The following OVCH1 variants were observed in gnomAD, a reference collection of about 807,000 sequenced individuals.
The protein encoded by OVCH1 is ovochymase-1.
Under a neutral mutation model 138.4 loss-of-function variants are expected in OVCH1, and 139 were observed. The observed-to-expected ratio is 1.00, with a 90% CI of 0.87 to 1.16. OVCH1 has a LOEUF of 1.16. OVCH1 is among the 50% of genes most tolerant of loss of function. The pLI is 0.00. For missense variants in OVCH1, 1,367 were observed against 1,357.9 expected (o/e 1.01, Z -0.11); for synonymous variants, 453 against 467.8 (o/e 0.97, Z 0.41).
chr12:29,469,684 A>T lies in OVCH1; in HGVS notation c.1856+2118T>A, dbSNP rs866687121. 3.3e-5 allele frequency among the ~76,000 whole-genome samples: 5 copies of T among 151,232 alleles called. No individual in the cohort carries two copies. The South Asian group carries it at 1.0e-3, about 31-fold the overall frequency. ...TGCTTGAGTTCAAGAGTTCAAGACC[A>T]GTCTGTGCAACATAGCAAGACCCCG... On this transcript the variant is annotated intron_variant, in intron 16 of 27. Transcript: ENST00000318184.
At position 29,420,776 on chromosome 12, in the gene OVCH1, A is replaced by G. The variant is rs1941092274; in HGVS notation, c.*71+2351T>C. ...CATGATCCACCCGCCTCGGCCTCCC[A>G]AAGTGCTGGGATTACAGGCGTGAGC... On this transcript the variant is annotated intron_variant and NMD_transcript_variant, in intron 3 of 4. Coordinates refer to the OVCH1 transcript ENST00000539117. Among the ~76,000 whole-genome samples, 3 of 8,020 alleles carry G rather than the reference A, an allele frequency of 3.7e-4. 1 individual carries two copies. Among genetic ancestry groups the G allele is most frequent in the South Asian group, 4.1e-3 (2 of 490 alleles). The allele number at this position is 8,020 out of a possible 152,430, so 5.3% of individuals were successfully genotyped here. A position where few individuals can be genotyped will look rare whatever the true frequency, so the allele number is the denominator to read the frequency against.
At chr12:29,449,109 A>C (rs879798745) in intron 22 of OVCH1, among the ~76,000 whole-genome samples, 8 of 152,090 alleles carry the variant, frequency 5.3e-5, no homozygotes, top group Non-Finnish European at 8.8e-5. Context: ...CTGCCACTTT[A>C]AAAGCCTTTA....
chr12:29,467,382 G>A (rs1020222179), intron 16 of OVCH1, among the ~76,000 whole-genome samples: 5 of 152,196 alleles, frequency 3.3e-5, no homozygotes, highest in Admixed American at 2.6e-4. Context: ...GCACAAACAC[G>A]ACAAAGCCAC....
At chr12:29,410,652 G>T (rs1940942967), downstream of OVCH1, among the ~76,000 whole-genome samples, 1 of 150,592 alleles carries the variant, frequency 6.6e-6, no homozygotes, top group Non-Finnish European at 1.5e-5. Flanking sequence ...ACTCTCTTCT[G>T]GCTTGTAGAG....
rs535823383 is a variant in OVCH1, at chr12:29,463,112, T to C, written c.2126-1104A>G. ...AGAAATATTTACTGAATGCCATGTA[T>C]GCTTCTAGCCTTGGGGAGAGAGGAG... On this transcript the variant is annotated intron_variant, in intron 18 of 27. Coordinates refer to ENST00000318184, the Ensembl canonical transcript of OVCH1. Among the ~76,000 whole-genome samples, 3 of 152,332 alleles carry C rather than the reference T, an allele frequency of 2.0e-5. No homozygotes were observed. The East Asian group carries it at 5.8e-4, about 29-fold the overall frequency.
chr12:29,427,595 A>C (rs1941200143), exon 28 of OVCH1: 1 of 1,551,362 alleles, frequency 6.4e-7, no homozygotes, highest in African/African-American at 1.4e-5. Flanking sequence ...GTGAGCCCTT[A>C]GCAGGCACCA....
intron 8 of OVCH1, among the ~76,000 whole-genome samples, chr12:29,485,754 G>A (rs937863383): frequency 1.3e-5 from 2 of 150,980 alleles, no homozygotes; most frequent in African/African-American, 4.9e-5. Flanking sequence ...CCAGCCTGGG[G>A]GACACAGCAT....
chr12:29,406,246 A>G, the OVCH1 span, among the ~76,000 whole-genome samples: 10 of 152,232 alleles, frequency 6.6e-5, no homozygotes, highest in Admixed American at 5.9e-4. Context: ...ATAAGTATCA[A>G]TAAACTGGTA....
In OVCH1 at chr12:29,474,074, T is replaced by C. The variant is rs61918682; in HGVS notation, c.1601-971A>G. Among the ~76,000 whole-genome samples, 142 of 145,276 alleles carry C rather than the reference T, an allele frequency of 9.8e-4. 1 individual carries two copies. The East Asian group carries it at 0.016, about 16-fold the overall frequency. On this transcript the variant is annotated intron_variant, in intron 14 of 27. Coordinates refer to ENST00000318184, the Ensembl canonical transcript of OVCH1. ...AATACTTAATAAACACACACACACA[T>C]ACACACACACACACACACACACACA...
chr12:29,445,494 G>A (rs1416107117), intron 22 of OVCH1, 91 bp from the exon 23 acceptor site: 14 of 1,273,384 alleles, frequency 1.1e-5, no homozygotes, highest in South Asian at 5.8e-5. Context: ...TTTAACCCAC[G>A]AGGTAGGAAT....
intron 9 of OVCH1, 115 bp from the exon 11 acceptor site, chr12:29,477,593 C>G: frequency 6.2e-7 from 1 of 1,612,956 alleles, no homozygotes; most frequent in South Asian, 1.1e-5. Context: ...ACACACTAAA[C>G]TATTTAATGG....
intron 16 of OVCH1, among the ~76,000 whole-genome samples, chr12:29,470,618 T>C (rs1271144033): frequency 6.6e-6 from 1 of 152,224 alleles, no homozygotes; most frequent in Non-Finnish European, 1.5e-5. Flanking sequence ...CAATCTATCA[T>C]TGATGGGCGT....
At chr12:29,452,010 G>A (rs1267271983) in intron 21 of OVCH1, among the ~76,000 whole-genome samples, 2 of 152,154 alleles carry the variant, frequency 1.3e-5, no homozygotes, top group African/African-American at 4.8e-5. Context: ...ATACTGAGAT[G>A]TCTCACTTCT....
In OVCH1 at chr12:29,472,305, CTGGCCCCCA is replaced by C. The variant is rs143877428; in HGVS notation, c.1676-332_1676-324del. Among the ~76,000 whole-genome samples the C allele has an allele frequency of 7.2e-3, 1,096 of 152,322 alleles. 9 individuals are homozygous for C. The highest frequency in any genetic ancestry group is 0.011 in the Non-Finnish European group (742 of 68,020). On this transcript the variant is annotated intron_variant, in intron 15 of 27. Coordinates refer to ENST00000318184, the Ensembl canonical transcript of OVCH1. ...TGGAATAGAATAGATGATAAAAATA[CTGGCCCCCA>C]TGGAACTTACATTCTAGTAGGAAAA... is the stretch of plus-strand genomic sequence containing the variant.
chr12:29,476,138 G>T, intron 13 of OVCH1, 68 bp downstream of exon 13: 1 of 1,281,032 alleles, frequency 7.8e-7, no homozygotes, highest in Non-Finnish European at 1.1e-6. Context: ...ACCCAAGGAA[G>T]CCAGCCCATG....
chr12:29,475,485 C>A (rs1942675016), intron 13 of OVCH1, among the ~76,000 whole-genome samples: 2 of 150,532 alleles, frequency 1.3e-5, no homozygotes, highest in Admixed American at 1.3e-4. Flanking sequence ...AAAAAAAAAA[C>A]ACCCAAGTTG....
the OVCH1 span, among the ~76,000 whole-genome samples, chr12:29,404,050 T>C: frequency 2.6e-5 from 4 of 152,248 alleles, no homozygotes; most frequent in Non-Finnish European, 4.4e-5. Flanking sequence ...TCTGCAATGA[T>C]AATGATGGGC....
intron 14 of OVCH1, 141 bp from the exon 15 acceptor site, chr12:29,473,244 C>T: frequency 1.7e-6 from 1 of 591,638 alleles, no homozygotes; most frequent in Non-Finnish European, 2.9e-6. Flanking sequence ...TGCCAGATCC[C>T]AGAAATGTGA....
chr12:29,492,157 C>A (rs947688379), intron 4 of OVCH1, among the ~76,000 whole-genome samples: 1 of 151,988 alleles, frequency 6.6e-6, no homozygotes, highest in African/African-American at 2.4e-5. Context: ...CATGGAAAGT[C>A]TCATTGAGCA....
Sources: allele counts gnomAD v4.1 joint callset (sites outside exome capture counted in the v4.1 genomes callset), GRCh38; gene constraint gnomAD v4.1.1; transcripts MANE v1.5; gene names NCBI Gene and HGNC (gene_info 2026-07-23, HGNC 2026-07-21).